Variants in TMCC1 observed in about 807,000 individuals in gnomAD.
TMCC1 encodes transmembrane and coiled-coil domain family 1.
TMCC1 carries 15 observed loss-of-function variants against 52.4 expected under a neutral mutation model. That is an observed-to-expected ratio of 0.29 (90% confidence interval 0.19 to 0.44). The LOEUF is 0.44. Among genes scored for constraint, TMCC1 ranks in the 20% least tolerant of loss-of-function variants. TMCC1 has a pLI of 1.00. For missense variants in TMCC1, 503 were observed against 806.0 expected (o/e 0.62, Z 4.55); for synonymous variants, 279 against 301.9 (o/e 0.92, Z 0.79).
intron 4 of TMCC1, among the ~76,000 whole-genome samples, chr3:129,803,493 A>G (rs1419795748): frequency 2.0e-5 from 3 of 152,242 alleles, no homozygotes; most frequent in Non-Finnish European, 2.9e-5. Flanking sequence ...TTCAGATGGT[A>G]CATTTGTTAT....
chr3:129,682,255 C>CA (rs1323910375), intron 4 of TMCC1, among the ~76,000 whole-genome samples: 1 of 152,128 alleles, frequency 6.6e-6, no homozygotes, highest in Admixed American at 6.5e-5. Flanking sequence ...CATCAGCCTC[C>CA]AGAGTAGGTG....
Position 129,651,512 on chromosome 3 carries a change from T to C in TMCC1, c.1931A>G (p.Tyr644Cys), listed in dbSNP as rs750832184. 3.1e-6 allele frequency: 5 copies of C among 1,614,030 alleles called. No individual in the cohort carries two copies. The Admixed American group carries it at 6.7e-5, about 22-fold the overall frequency. Reference sequence around the variant, plus strand: ...AGGGGATGAAAAGAACCGTTCCACATAGCTGAAGAGGGCGTCCCAGTGCTT... The same window carrying C: ...AGGGGATGAAAAGAACCGTTCCACACAGCTGAAGAGGGCGTCCCAGTGCTT... ...LWKHWDALFS[Y>C]VERFFSSPR is the part of the protein sequence containing the mutation. Residue 644 changes from tyrosine to cysteine, a missense_variant, in exon 7 of 7, where the codon TAT becomes TGT. Transcript: ENST00000393238. The surrounding 1 kb of genome is among the most constrained non-coding windows in gnomAD (Gnocchi z 5.1).
intron 2 of TMCC1, among the ~76,000 whole-genome samples, chr3:129,844,180 G>A (rs1299757546): frequency 1.3e-5 from 2 of 151,960 alleles, no homozygotes; most frequent in African/African-American, 4.8e-5. Flanking sequence ...ATCTATTTAC[G>A]ATAAATACTC....
At chr3:129,882,334 G>C (rs1024620811) in intron 1 of TMCC1, among the ~76,000 whole-genome samples, 1 of 151,462 alleles carries the variant, frequency 6.6e-6, no homozygotes, top group Non-Finnish European at 1.5e-5. Flanking sequence ...ATTAGGGATA[G>C]CTATGATTAA....
At chr3:129,736,618 T>A (rs2050991609) in intron 4 of TMCC1, among the ~76,000 whole-genome samples, 2 of 151,452 alleles carry the variant, frequency 1.3e-5, no homozygotes, top group Non-Finnish European at 2.9e-5. Flanking sequence ...ACCTCCCAGG[T>A]TCAAGTGATT....
In TMCC1 at chr3:129,731,179, AC is replaced by A. The variant is rs770734704; in HGVS notation, c.577-59916del. Among the ~76,000 whole-genome samples the A allele has an allele frequency of 4.6e-5, 7 of 152,350 alleles. No homozygotes were observed. In the East Asian group the frequency reaches 1.3e-3, roughly 29 times the overall value. On this transcript the variant is annotated intron_variant, in intron 4 of 6. Coordinates refer to ENST00000393238, the MANE Select transcript of TMCC1 (RefSeq NM_001017395.5). ...TGCAATGCTGGTTCAATATTTGAAA[AC>A]CAAGCAAGGTAAGCAACATTAGCCC...
intron 4 of TMCC1, among the ~76,000 whole-genome samples, chr3:129,690,999 T>C (rs13064881): frequency 6.6e-6 from 1 of 152,224 alleles, no homozygotes; most frequent in African/African-American, 2.4e-5. Flanking sequence ...TAAGTGGCAG[T>C]AGGACTTTAG....
At chr3:129,655,965 A>G (rs535155115) in intron 5 of TMCC1, among the ~76,000 whole-genome samples, 1 of 152,346 alleles carries the variant, frequency 6.6e-6, no homozygotes, top group East Asian at 1.9e-4. Context: ...ATGGATGATA[A>G]ATGTACAGAA....
intron 4 of TMCC1, among the ~76,000 whole-genome samples, chr3:129,715,286 C>T (rs920868329): frequency 3.9e-5 from 6 of 152,306 alleles, no homozygotes; most frequent in East Asian, 1.9e-4. Flanking sequence ...TGGCCAGGCG[C>T]GGTGGCTCAC....
intron 2 of TMCC1, among the ~76,000 whole-genome samples, chr3:129,871,052 A>C (rs2060904490): frequency 6.6e-6 from 1 of 152,152 alleles, no homozygotes; most frequent in East Asian, 1.9e-4. Flanking sequence ...TGAGCCAGAT[A>C]ATTTCTGTTT....
intron 4 of TMCC1, among the ~76,000 whole-genome samples, chr3:129,744,775 C>T (rs895518492): frequency 1.3e-5 from 2 of 152,118 alleles, no homozygotes; most frequent in African/African-American, 2.4e-5. Flanking sequence ...TTACTACCAC[C>T]CTTCACTCAA....
At position 129,670,662 on chromosome 3, in the gene TMCC1, TA is replaced by T; in HGVS notation, c.1178del (p.Leu393Ter). ...ADNIPNLKDS[L>X]EEGQVDDAGK... ...CCGCATCATCCACTTGCCCTTCCTC[TA>T]AAGAGTCCTTCAGGTTGGGGATGTT... On this transcript the variant is annotated frameshift_variant, in exon 5 of 7. Coordinates refer to ENST00000393238, the MANE Select transcript of TMCC1 (RefSeq NM_001017395.5). LOFTEE classifies it high-confidence loss of function. 1 of 1,614,244 alleles carries T rather than the reference TA, an allele frequency of 6.2e-7. No individual in the cohort carries two copies. The highest frequency in any genetic ancestry group is 8.5e-7 in the Non-Finnish European group (1 of 1,180,040).
chr3:129,654,728 C>A (rs1307903388), intron 6 of TMCC1, among the ~76,000 whole-genome samples: 1 of 152,168 alleles, frequency 6.6e-6, no homozygotes, highest in African/African-American at 2.4e-5. Flanking sequence ...GTTTTCCATA[C>A]ACTGAGATTA....
intron 4 of TMCC1, among the ~76,000 whole-genome samples, chr3:129,788,128 A>G (rs2056173279): frequency 6.6e-6 from 1 of 152,200 alleles, no homozygotes; most frequent in Non-Finnish European, 1.5e-5. Context: ...ATTTTAAAGA[A>G]CAGTCACATC....
intron 4 of TMCC1, among the ~76,000 whole-genome samples, chr3:129,727,930 A>G (rs1228139341): frequency 6.6e-6 from 1 of 152,206 alleles, no homozygotes; most frequent in South Asian, 2.1e-4. Context: ...AAGCCCAACT[A>G]GTGTAATCAA....
intron 4 of TMCC1, among the ~76,000 whole-genome samples, chr3:129,823,951 G>A (rs2058542391): frequency 6.6e-6 from 1 of 152,182 alleles, no homozygotes; most frequent in Non-Finnish European, 1.5e-5. Flanking sequence ...GGAAAAAGAG[G>A]TTAAAGAGTG....
chr3:129,789,489 C>A (rs2056295283), intron 4 of TMCC1, among the ~76,000 whole-genome samples: 1 of 151,470 alleles, frequency 6.6e-6, no homozygotes, highest in South Asian at 2.1e-4. Context: ...TTCTCCACTT[C>A]TTTTTTTTTG....
At chr3:129,866,308 C>CATATACTATATATACATATATACATAAT (rs2060635208) in intron 2 of TMCC1, among the ~76,000 whole-genome samples, 1 of 133,760 alleles carries the variant, frequency 7.5e-6, no homozygotes, top group Non-Finnish European at 1.5e-5. Context: ...ATAATATATA[C>CATATACTATATATACATATATACATAAT]ATATATTATA....
intron 4 of TMCC1, among the ~76,000 whole-genome samples, chr3:129,701,700 C>T (rs1244699446): frequency 1.3e-5 from 2 of 152,140 alleles, no homozygotes; most frequent in Non-Finnish European, 2.9e-5. Flanking sequence ...TTATGTCTTG[C>T]TTTCCAAGAA....
Sources: allele counts gnomAD v4.1 joint callset (sites outside exome capture counted in the v4.1 genomes callset), GRCh38; gene constraint gnomAD v4.1.1; non-coding constraint Gnocchi (gnomAD v3.1); transcripts MANE v1.5; gene names NCBI Gene and HGNC (gene_info 2026-07-23, HGNC 2026-07-21).